Variants in CLIP1 observed in about 807,000 individuals in gnomAD.
The protein encoded by CLIP1 is CAP-Gly domain containing linker protein 1, also known as CAP-Gly domain-containing linker protein 1.
Under a neutral mutation model 161.6 loss-of-function variants are expected in CLIP1, and 66 were observed. The ratio of observed to expected loss-of-function variants is 0.41; its 90% CI spans 0.33 to 0.50. The LOEUF (loss-of-function observed/expected upper bound fraction) is 0.50, where lower values mean the gene tolerates loss of function less well. CLIP1 is among the 20% of genes least tolerant of loss of function. The pLI is 0.27. For missense variants in CLIP1, 1,376 were observed against 1,702.0 expected (o/e 0.81, Z 3.37); for synonymous variants, 598 against 626.2 (o/e 0.96, Z 0.67).
At chr12:122,337,826 C>T (rs1018493828) in intron 11 of CLIP1, among the ~76,000 whole-genome samples, 1 of 151,870 alleles carries the variant, frequency 6.6e-6, no homozygotes, top group African/African-American at 2.4e-5. Flanking sequence ...CCATCCTGGC[C>T]AACATGGTGA....
At chr12:122,339,008 C>T (rs1162447071) in intron 11 of CLIP1, among the ~76,000 whole-genome samples, 1 of 152,140 alleles carries the variant, frequency 6.6e-6, no homozygotes, top group Non-Finnish European at 1.5e-5. Flanking sequence ...AATAGAGCAG[C>T]TTCTCCCACA....
At chr12:122,337,189 T>C (rs1952268712) in intron 11 of CLIP1, among the ~76,000 whole-genome samples, 1 of 151,942 alleles carries the variant, frequency 6.6e-6, no homozygotes, top group South Asian at 2.1e-4. Flanking sequence ...GGCTAATGCC[T>C]GTAATCCCAA....
At chr12:122,293,995 C>T (rs115736584) in intron 20 of CLIP1, among the ~76,000 whole-genome samples, 5,448 of 151,534 alleles carry the variant, frequency 0.036, 225 homozygotes, top group African/African-American at 0.096. Flanking sequence ...AGGTGTTTAC[C>T]CATGATAAAT....
chr12:122,387,572 ATATATATATATATATATATTTT>A (rs1272920220), intron 1 of CLIP1, among the ~76,000 whole-genome samples: 41 of 8,026 alleles, frequency 5.1e-3, no homozygotes, highest in African/African-American at 0.013. Context: ...ATATATATAT[ATATATATATATATATATATTTT>A]TTTTTTTTTT....
intron 4 of CLIP1, among the ~76,000 whole-genome samples, chr12:122,361,897 T>C (rs1045201502): frequency 6.6e-6 from 1 of 152,004 alleles, no homozygotes; most frequent in Non-Finnish European, 1.5e-5. Flanking sequence ...CAAAAGAAGT[T>C]ATTCATATAA....
chr12:122,328,783 G>A (rs1348591913), intron 15 of CLIP1, among the ~76,000 whole-genome samples: 1 of 152,102 alleles, frequency 6.6e-6, no homozygotes, highest in African/African-American at 2.4e-5. Flanking sequence ...GGGTTTCACC[G>A]TGTTAGCCAG....
intron 24 of CLIP1, chr12:122,276,382 C>CCACACGCACA: frequency 8.6e-7 from 1 of 1,160,594 alleles, no homozygotes; most frequent in Non-Finnish European, 1.1e-6. Flanking sequence ...TAGTGGGAAA[C>CCACACGCACA]CACACACACA....
intron 3 of CLIP1, chr12:122,365,309 A>T: frequency 1.2e-6 from 1 of 832,578 alleles, no homozygotes; most frequent in Non-Finnish European, 2.1e-6. Context: ...TTCAAAAAGG[A>T]ATGCCCCACA....
At chr12:122,320,255 G>C (rs1205347614) in intron 17 of CLIP1, among the ~76,000 whole-genome samples, 2 of 139,316 alleles carry the variant, frequency 1.4e-5, no homozygotes, top group Non-Finnish European at 3.0e-5. Context: ...GACACAGCGA[G>C]ACTCCGTCTC....
chr12:122,352,790 T>A lies in CLIP1; in HGVS notation c.1308-4A>T, dbSNP rs1479031625. 1 of 1,612,906 alleles carries A rather than the reference T, an allele frequency of 6.2e-7. No homozygotes were observed. Among genetic ancestry groups the A allele is most frequent in the Non-Finnish European group, 8.5e-7 (1 of 1,179,148 alleles). On this transcript the variant is annotated splice_polypyrimidine_tract_variant and splice_region_variant and intron_variant, in intron 7 of 25. Coordinates refer to ENST00000620786, the MANE Select transcript of CLIP1 (RefSeq NM_001247997.2). ...GAACTGAAGGTCCTCAACCTTCCTG[T>A]GGAATAAAACCCAAACAAAACACTT... is the stretch of plus-strand genomic sequence containing the variant.
chr12:122,393,807 C>G (rs1022782513), intron 1 of CLIP1, among the ~76,000 whole-genome samples: 57 of 147,958 alleles, frequency 3.9e-4, no homozygotes, highest in Non-Finnish European at 7.4e-5. Flanking sequence ...AGCTATTCAG[C>G]AGGCTAAGCC....
chr12:122,316,969 C>CAAA, intron 18 of CLIP1, 114 bp from the exon 19 acceptor site: 1 of 493,768 alleles, frequency 2.0e-6, no homozygotes, highest in Non-Finnish European at 3.4e-6. Flanking sequence ...TAGTCACTCG[C>CAAA]AAAAAAAAAA....
chr12:122,345,064 T>A (rs1309819249), intron 10 of CLIP1, among the ~76,000 whole-genome samples: 1 of 150,286 alleles, frequency 6.7e-6, no homozygotes, highest in African/African-American at 2.4e-5. Context: ...TTTAAAAAAA[T>A]ATATTACTTC....
intron 20 of CLIP1, among the ~76,000 whole-genome samples, chr12:122,288,764 T>C (rs1437409331): frequency 1.3e-5 from 2 of 151,504 alleles, no homozygotes; most frequent in Admixed American, 6.6e-5. Flanking sequence ...GACCTGAGAG[T>C]TAAACATATT....
intron 21 of CLIP1, among the ~76,000 whole-genome samples, chr12:122,285,717 TCCTC>T (rs1955823921): frequency 1.3e-5 from 2 of 151,288 alleles, no homozygotes; most frequent in African/African-American, 2.4e-5. Flanking sequence ...GCTCAACTGA[TCCTC>T]CCTTTTTGGC....
intron 1 of CLIP1, among the ~76,000 whole-genome samples, chr12:122,384,770 A>T (rs1412710282): frequency 6.6e-6 from 1 of 151,664 alleles, no homozygotes; most frequent in Non-Finnish European, 1.5e-5. Flanking sequence ...CAAAAAATAA[A>T]AAAAAAAAAT....
In CLIP1 at chr12:122,308,576, G is replaced by A. The variant is rs1011568104; in HGVS notation, c.3594+1186C>T. ...CAGAAGATGACATCTCTTGACACTA[G>A]TCGCCAAATGATGCTGAACAAATTA... On this transcript the variant is annotated intron_variant, in intron 20 of 25. Transcript: ENST00000620786. Among the ~76,000 whole-genome samples the A allele has an allele frequency of 2.0e-5, 3 of 152,176 alleles. No homozygotes were observed. In the East Asian group the frequency reaches 5.8e-4, roughly 29 times the overall value.
chr12:122,342,929 T>C (rs1160034708), intron 10 of CLIP1: 2 of 151,666 alleles, frequency 1.3e-5, no homozygotes, highest in African/African-American at 4.8e-5. Context: ...ACATAAAATA[T>C]ATTATTAAAA....
Position 122,341,397 on chromosome 12 carries a change from C to G in CLIP1, c.1807G>C (p.Glu603Gln). The change falls in exon 11 of 26, where the codon GAG (glutamate) becomes CAG (glutamine). Residue 603 changes from glutamate (E) to glutamine (Q), a missense_variant. Glu to Gln is a conservative substitution (Grantham distance 29). Transcript: ENST00000620786. Reference protein sequence around the residue: ...TATEKLSKENESLKSKLEHAN... With the variant: ...TATEKLSKENQSLKSKLEHAN... The stretch of plus-strand genomic sequence containing the variant: ...TGCTCCAGCTTGCTTTTCAATGACT[C>G]GTTCTCTTTGGAAAGCTTTTCCGTG... 6.2e-7 allele frequency: 1 copy of G among 1,614,118 alleles called. No individual in the cohort carries two copies. Among genetic ancestry groups the G allele is most frequent in the Non-Finnish European group, 8.5e-7 (1 of 1,180,034 alleles).
Sources: allele counts gnomAD v4.1 joint callset (sites outside exome capture counted in the v4.1 genomes callset), GRCh38; gene constraint gnomAD v4.1.1; transcripts MANE v1.5; gene names NCBI Gene and HGNC (gene_info 2026-07-23, HGNC 2026-07-21).